SYNE1: variants seen among roughly 807,000 people sequenced by gnomAD.
The protein encoded by SYNE1 is nesprin-1.
In SYNE1, 616 loss-of-function variants were observed where a neutral mutation model predicts 1,111.0. The observed-to-expected ratio is 0.55, with a 90% CI of 0.52 to 0.59. The LOEUF is 0.59. Ranked by LOEUF, SYNE1 falls within the 20% of genes least tolerant of loss-of-function variation. The probability of loss-of-function intolerance (pLI) is 0.00; values close to 1 mark genes in which losing one functional copy is unlikely to be tolerated. For missense variants in SYNE1, 10,006 were observed against 10,417.0 expected, an observed-to-expected ratio of 0.96 and a Z score of 1.72; for synonymous variants, 3,855 against 3,825.8, an observed-to-expected ratio of 1.01 and a Z score of -0.28.
chr6:152,384,628 C>T (rs1419148621), intron 55 of SYNE1, among the ~76,000 whole-genome samples: 1 of 152,166 alleles, frequency 6.6e-6, no homozygotes, highest in East Asian at 1.9e-4. Context: ...GTAATTCCAG[C>T]ACTTTGGGAG....
At chr6:152,310,267 C>A (rs965928932) in intron 89 of SYNE1, 129 bp downstream of exon 89, 43 of 1,374,794 alleles carry the variant, frequency 3.1e-5, no homozygotes, top group Non-Finnish European at 4.1e-5. Flanking sequence ...CATAGGGATA[C>A]CCTGTCTCTA....
rs569692317 is a variant in SYNE1 at position 152,558,815 on chromosome 6, T to C, written c.68-18794A>G. Among the ~76,000 whole-genome samples, 11 of 152,128 alleles carry C rather than the reference T, an allele frequency of 7.2e-5. 2 individuals are homozygous for C. The highest frequency in any genetic ancestry group is 2.6e-4 in the African/African-American group (11 of 41,510). On this transcript the variant is annotated intron_variant, in intron 3 of 145. Coordinates refer to ENST00000367255, the MANE Select transcript of SYNE1 (RefSeq NM_182961.4). ...GAAACTCAACAAGGAAACAATACAT[T>C]TGAAGAACACTATAAACCTAAACAA...
chr6:152,194,398 T>C (rs1440559179), intron 127 of SYNE1, among the ~76,000 whole-genome samples: 1 of 152,104 alleles, frequency 6.6e-6, no homozygotes, highest in African/African-American at 2.4e-5. Context: ...CATTTTATGT[T>C]ATTTCTTTCT....
intron 32 of SYNE1, among the ~76,000 whole-genome samples, chr6:152,437,643 A>T (rs1323759331): frequency 6.6e-6 from 1 of 152,158 alleles, no homozygotes; most frequent in Non-Finnish European, 1.5e-5. Context: ...AATTTTGTCA[A>T]GTAATTATAT....
intron 91 of SYNE1, among the ~76,000 whole-genome samples, chr6:152,303,903 GCACACACA>G (rs59642173): frequency 1.3e-5 from 2 of 149,352 alleles, no homozygotes; most frequent in African/African-American, 4.9e-5. Flanking sequence ...GTGTGCACAT[GCACACACA>G]CACACACACA....
chr6:152,164,450 A>C (rs2063202820), intron 130 of SYNE1, 125 bp from the exon 131 acceptor site: 1 of 1,127,618 alleles, frequency 8.9e-7, no homozygotes, highest in African/African-American at 1.5e-5. Flanking sequence ...CATGTGGAAG[A>C]AGCCAAAGAC....
intron 128 of SYNE1, among the ~76,000 whole-genome samples, chr6:152,187,608 T>G (rs1190695208): frequency 2.6e-5 from 4 of 152,186 alleles, no homozygotes; most frequent in African/African-American, 7.2e-5. Context: ...TCAATCAGTC[T>G]CCTCCACTCC....
At chr6:152,304,125 TA>T (rs904880392) in intron 91 of SYNE1, among the ~76,000 whole-genome samples, 1 of 152,162 alleles carries the variant, frequency 6.6e-6, no homozygotes, top group African/African-American at 2.4e-5. Context: ...TTAAACCTAA[TA>T]GGATTTTTAA....
At chr6:152,380,907 G>C (rs2097401269) in intron 56 of SYNE1, 99 bp downstream of exon 56, 2 of 1,097,314 alleles carry the variant, frequency 1.8e-6, no homozygotes, top group Non-Finnish European at 2.8e-6. Context: ...TGTGCATGTT[G>C]CGTGTTTTTA....
Position 152,233,764 on chromosome 6 carries a change from A to G in SYNE1, c.20712+17T>C, listed in dbSNP as rs1277540137. On this transcript the variant is annotated intron_variant, in intron 112 of 145. Coordinates refer to ENST00000367255, the MANE Select transcript of SYNE1 (RefSeq NM_182961.4). The stretch of plus-strand genomic sequence containing the variant: ...GCTTAAGTCAGCTATTTCCCACGAA[A>G]GCAATCCTTTCTGTACCTGGTGGAG... 1.9e-6 allele frequency: 3 copies of G among 1,614,050 alleles called. No homozygotes were observed. Among genetic ancestry groups the G allele is most frequent in the Non-Finnish European group, 2.5e-6 (3 of 1,180,028 alleles).
At chr6:152,559,761 G>A (rs961411289) in intron 3 of SYNE1, among the ~76,000 whole-genome samples, 1 of 151,896 alleles carries the variant, frequency 6.6e-6, no homozygotes, top group Non-Finnish European at 1.5e-5. Context: ...CTTAGGAGAA[G>A]GAAGGAAATA....
intron 131 of SYNE1, among the ~76,000 whole-genome samples, chr6:152,157,767 T>C (rs562081038): frequency 2.0e-4 from 30 of 152,040 alleles, no homozygotes; most frequent in African/African-American, 5.8e-4. Context: ...ATTCTTTTTT[T>C]TTTTTTTTTT....
rs369576976 is a variant in SYNE1, at chr6:152,510,327, G to A, written c.447C>T (p.Ser149=). Residue 149 remains serine, a synonymous_variant, in exon 8 of 146, where the codon TCC becomes TCT. Transcript: ENST00000367255. ...TSNLPQLQSL[S]SSASSVDSIV... ...TGCTGTCCACGGAGGATGCGCTGCT[G>A]GACAAAGACTGGAGCTGGGGCAGGT... 17 of 1,613,756 alleles carry A rather than the reference G, an allele frequency of 1.1e-5. No individual in the cohort carries two copies. The highest frequency in any genetic ancestry group is 1.4e-5 in the Non-Finnish European group (17 of 1,179,952).
Position 152,634,703 on chromosome 6 carries a change from C to T in SYNE1, c.-224+1935G>A, listed in dbSNP as rs1298230595. On this transcript the variant is annotated intron_variant, in intron 2 of 145. Coordinates refer to ENST00000367255, the MANE Select transcript of SYNE1 (RefSeq NM_182961.4). ...AGTAAGCAAAAGACAAAGTGTATAG[C>T]AGAAATCAGCATGAAAGATGTTCAG... Among the ~76,000 whole-genome samples the T allele has an allele frequency of 2.6e-5, 4 of 152,174 alleles. No homozygotes were observed. The East Asian group carries it at 7.7e-4, about 29-fold the overall frequency.
intron 48 of SYNE1, among the ~76,000 whole-genome samples, chr6:152,399,294 C>T (rs1446222534): frequency 6.6e-6 from 1 of 152,176 alleles, no homozygotes; most frequent in Admixed American, 6.5e-5. Context: ...GTTGTTTGGA[C>T]AGTGGCTGCT....
At chr6:152,521,788 T>C (rs916808552) in intron 5 of SYNE1, among the ~76,000 whole-genome samples, 1 of 152,208 alleles carries the variant, frequency 6.6e-6, no homozygotes, top group Non-Finnish European at 1.5e-5. Flanking sequence ...GTGAATATCT[T>C]CAACAAGTTT....
At chr6:152,226,122 A>T (rs1467970649) in intron 115 of SYNE1, among the ~76,000 whole-genome samples, 1 of 152,214 alleles carries the variant, frequency 6.6e-6, no homozygotes, top group African/African-American at 2.4e-5. Flanking sequence ...TCTACCAGAT[A>T]AGGAAATGGT....
intron 90 of SYNE1, among the ~76,000 whole-genome samples, chr6:152,309,364 T>C (rs1053427682): frequency 2.6e-5 from 4 of 152,212 alleles, no homozygotes; most frequent in African/African-American, 4.8e-5. Flanking sequence ...CATTTCTTCC[T>C]GGTAAATGAT....
intron 4 of SYNE1, among the ~76,000 whole-genome samples, chr6:152,530,788 A>AT (rs1360804501): frequency 2.0e-5 from 3 of 151,048 alleles, no homozygotes; most frequent in South Asian, 2.1e-4. Flanking sequence ...CACCCAGCTA[A>AT]TTTTTTTTGT....
Sources: allele counts gnomAD v4.1 joint callset (sites outside exome capture counted in the v4.1 genomes callset), GRCh38; gene constraint gnomAD v4.1.1; transcripts MANE v1.5; gene names NCBI Gene and HGNC (gene_info 2026-07-23, HGNC 2026-07-21).